The following ARFGEF3 variants were observed in gnomAD, a reference collection of about 807,000 sequenced individuals.
The protein encoded by ARFGEF3 is ARFGEF family member 3, also known as brefeldin A-inhibited guanine nucleotide-exchange protein 3.
Under a neutral mutation model 221.7 loss-of-function variants are expected in ARFGEF3, and 96 were observed. The observed-to-expected ratio is 0.43, with a 90% CI of 0.37 to 0.51. ARFGEF3 has a LOEUF of 0.51. Ranked by LOEUF, ARFGEF3 falls within the 20% of genes least tolerant of loss-of-function variation. The probability of loss-of-function intolerance (pLI) is 0.00; values close to 1 mark genes in which losing one functional copy is unlikely to be tolerated. For missense variants in ARFGEF3, 2,410 were observed against 2,789.9 expected, an observed-to-expected ratio of 0.86 and a Z score of 3.07; for synonymous variants, 1,145 against 1,126.8, an observed-to-expected ratio of 1.02 and a Z score of -0.32.
intron 17 of ARFGEF3, among the ~76,000 whole-genome samples, chr6:138,288,976 C>T (rs1244497602): frequency 1.3e-5 from 2 of 151,962 alleles, no homozygotes; most frequent in Non-Finnish European, 2.9e-5. Context: ...CTTTTGAGAC[C>T]GAGTTTCACT....
chr6:138,182,143 G>T (rs534188579), intron 2 of ARFGEF3, among the ~76,000 whole-genome samples: 5 of 152,270 alleles, frequency 3.3e-5, no homozygotes, highest in African/African-American at 1.2e-4. Flanking sequence ...AGGTTGGAGG[G>T]GCTATGTAGC....
chr6:138,269,273 G>A (rs1005360173), intron 12 of ARFGEF3, among the ~76,000 whole-genome samples: 4 of 152,252 alleles, frequency 2.6e-5, no homozygotes, highest in Non-Finnish European at 5.9e-5. Context: ...TAAGGAATGG[G>A]CTGAAGTCTC....
At chr6:138,239,903 A>G (rs1778362107) in intron 6 of ARFGEF3, among the ~76,000 whole-genome samples, 1 of 152,192 alleles carries the variant, frequency 6.6e-6, no homozygotes, top group African/African-American at 2.4e-5. Flanking sequence ...TCTAAAATGA[A>G]TGAGCTTATC....
intron 1 of ARFGEF3, among the ~76,000 whole-genome samples, chr6:138,164,228 C>T (rs1351991161): frequency 6.6e-6 from 1 of 151,940 alleles, no homozygotes; most frequent in African/African-American, 2.4e-5. Context: ...TTCAACCCCC[C>T]AATTTATTTC....
rs189349914 is a variant in ARFGEF3, at chr6:138,270,776, G to A, written c.2128+7165G>A. The stretch of plus-strand genomic sequence containing the variant: ...GTTGCAGGAAGAACACTGGAGTGGG[G>A]TGAATTGATTGAGTGTTACTGTAGG... On this transcript the variant is annotated intron_variant, in intron 12 of 33. Coordinates refer to ENST00000251691, the MANE Select transcript of ARFGEF3 (RefSeq NM_020340.5). Among the ~76,000 whole-genome samples the A allele has an allele frequency of 1.1e-4, 17 of 152,322 alleles. No individual in the cohort carries two copies. In the East Asian group the frequency reaches 2.9e-3, roughly 26 times the overall value.
rs757201570 is a variant in ARFGEF3 at position 138,291,837 on chromosome 6, G to T, written c.3152G>T (p.Gly1051Val). ...CCCCAGAAGGCCACTGGAAGCGCTG[G>T]CCTCCTTGGGGACCCCGAGTGTGAG... ...SQPQKATGSA[G>V]LLGDPECEGS... The change falls in exon 19 of 34, where the codon GGC becomes GTC. Residue 1051 changes from glycine (G) to valine (V), a missense_variant. Gly to Val is a moderately radical substitution (Grantham distance 109). Around this residue, in one of 5 missense-constraint regions of ARFGEF3, gnomAD observed 184 missense variants for 141.8 expected, o/e 1.30. Coordinates refer to ENST00000251691, the MANE Select transcript of ARFGEF3 (RefSeq NM_020340.5). The surrounding 1 kb of genome is among the most constrained non-coding windows in gnomAD (Gnocchi z 4.5). 6.0e-6 allele frequency: 9 copies of T among 1,497,566 alleles called. No homozygotes were observed. In the Admixed American group the frequency reaches 1.8e-4, roughly 29 times the overall value. The allele number at this position is 1,497,566 out of a possible 1,614,324, so 92.8% of individuals were successfully genotyped here. A position where few individuals can be genotyped will look rare whatever the true frequency, so the allele number is the denominator to read the frequency against.
chr6:138,207,679 T>C (rs1777648794), intron 3 of ARFGEF3, among the ~76,000 whole-genome samples: 1 of 152,222 alleles, frequency 6.6e-6, no homozygotes. Context: ...ACATAATGGA[T>C]CTAATTCTGA....
Position 138,291,845 on chromosome 6 carries a change from G to A in ARFGEF3, c.3160G>A (p.Gly1054Arg). 1 of 1,500,346 alleles carries A rather than the reference G, an allele frequency of 6.7e-7. No homozygotes were observed. The highest frequency in any genetic ancestry group is 8.9e-7 in the Non-Finnish European group (1 of 1,121,820). The allele number at this position is 1,500,346 out of a possible 1,614,324, so 92.9% of individuals were successfully genotyped here. A position where few individuals can be genotyped will look rare whatever the true frequency, so the allele number is the denominator to read the frequency against. Residue 1054 changes from glycine (G) to arginine (R), a missense_variant, in exon 19 of 34, where the codon GGG becomes AGG. Physicochemically the swap from Gly to Arg is moderately radical, Grantham distance 125 (BLOSUM62 -2). Coordinates refer to ENST00000251691, the MANE Select transcript of ARFGEF3 (RefSeq NM_020340.5). The surrounding 1 kb of genome is among the most constrained non-coding windows in gnomAD (Gnocchi z 4.5). ...GGCCACTGGAAGCGCTGGCCTCCTT[G>A]GGGACCCCGAGTGTGAGGGCTCGCC... ...QKATGSAGLL[G>R]DPECEGSPPE...
chr6:138,287,821 T>C (rs1377684388), intron 17 of ARFGEF3, among the ~76,000 whole-genome samples: 1 of 152,190 alleles, frequency 6.6e-6, no homozygotes, highest in Non-Finnish European at 1.5e-5. Context: ...CTATCAGATA[T>C]GTACAGTAAC....
At chr6:138,194,259 C>T (rs913698894) in intron 2 of ARFGEF3, among the ~76,000 whole-genome samples, 17 of 146,256 alleles carry the variant, frequency 1.2e-4, no homozygotes, top group African/African-American at 4.3e-4. Flanking sequence ...CAGAGCAAGA[C>T]TCCGTCTCCA....
At chr6:138,286,941 G>T (rs1426868782) in intron 16 of ARFGEF3, 25 bp downstream of exon 16, 1 of 1,609,810 alleles carries the variant, frequency 6.2e-7, no homozygotes, top group Non-Finnish European at 8.5e-7. Context: ...AGTGTTCCCT[G>T]GCCGTGGTCC....
At chr6:138,246,911 T>C (rs1246888837) in intron 8 of ARFGEF3, among the ~76,000 whole-genome samples, 1 of 152,204 alleles carries the variant, frequency 6.6e-6, no homozygotes, top group African/African-American at 2.4e-5. Context: ...ATGATGGATA[T>C]GTTAATTTGT....
At position 138,291,936 on chromosome 6, in the gene ARFGEF3, T is replaced by A. The variant is rs1184998007; in HGVS notation, c.3251T>A (p.Ile1084Asn). ...GCCCCTGTCGTCCAGCCCCTGTCCA[T>A]CCAGGACCTCGTCCGGGAAGGCAGC... Reference protein sequence around the residue: ...STAPVVQPLSIQDLVREGSRG... With the variant: ...STAPVVQPLSNQDLVREGSRG... The change falls in exon 19 of 34, where the codon ATC becomes AAC. Residue 1084 changes from isoleucine to asparagine, a missense_variant. By Grantham distance (149) the Ile-to-Asn change is moderately radical. This residue lies in a region of ARFGEF3 where 184 missense variants were observed against 141.8 expected (regional missense o/e 1.30). Transcript: ENST00000251691. This position sits in a 1 kb window ranked among gnomAD's most constrained non-coding sequence, Gnocchi z 4.5. 6.6e-7 allele frequency: 1 copy of A among 1,519,908 alleles called. No individual in the cohort carries two copies. Among genetic ancestry groups the A allele is most frequent in the East Asian group, 2.6e-5 (1 of 38,758 alleles). 94.2% of individuals were successfully genotyped at this position (1,519,908 alleles called of 1,614,324 possible).
chr6:138,324,530 T>G (rs73568918), intron 31 of ARFGEF3, among the ~76,000 whole-genome samples: 6,352 of 152,290 alleles, frequency 0.042, 445 homozygotes, highest in African/African-American at 0.14. Context: ...TTTTCTTATA[T>G]CTTTCATTCA....
chr6:138,180,973 C>T (rs1290892750), intron 2 of ARFGEF3, among the ~76,000 whole-genome samples: 3 of 152,172 alleles, frequency 2.0e-5, no homozygotes, highest in East Asian at 1.9e-4. Flanking sequence ...AAAGAATATT[C>T]TTGTCTCCTT....
chr6:138,240,529 T>G (rs1458611728), intron 6 of ARFGEF3, among the ~76,000 whole-genome samples: 1 of 152,154 alleles, frequency 6.6e-6, no homozygotes, highest in Non-Finnish European at 1.5e-5. Context: ...GGTGATACTG[T>G]AGAGGCTGTC....
chr6:138,266,989 G>A (rs1368580544), intron 12 of ARFGEF3, among the ~76,000 whole-genome samples: 2 of 152,112 alleles, frequency 1.3e-5, no homozygotes, highest in Non-Finnish European at 2.9e-5. Context: ...ATATGGAGAC[G>A]TTTGGCAGCC....
At chr6:138,267,717 AGGGCTTGT>A (rs1778923355) in intron 12 of ARFGEF3, among the ~76,000 whole-genome samples, 2 of 152,236 alleles carry the variant, frequency 1.3e-5, no homozygotes, top group African/African-American at 4.8e-5. Context: ...CATGCAAAAC[AGGGCTTGT>A]GTGAATTTTT....
chr6:138,271,429 AATG>A (rs1212628465), intron 12 of ARFGEF3, among the ~76,000 whole-genome samples: 2 of 152,190 alleles, frequency 1.3e-5, no homozygotes, highest in Non-Finnish European at 2.9e-5. Flanking sequence ...CTACAATAAT[AATG>A]ATGATAATAA....
Sources: allele counts gnomAD v4.1 joint callset (sites outside exome capture counted in the v4.1 genomes callset), GRCh38; gene constraint gnomAD v4.1.1; regional missense constraint gnomAD v4.1.1; non-coding constraint Gnocchi (gnomAD v3.1); transcripts MANE v1.5; gene names NCBI Gene and HGNC (gene_info 2026-07-23, HGNC 2026-07-21).